The following SF3A1 variants were observed in gnomAD, a reference collection of about 807,000 sequenced individuals.
SF3A1 encodes splicing factor 3a subunit 1.
Under a neutral mutation model 89.9 loss-of-function variants are expected in SF3A1, and 13 were observed. The ratio of observed to expected loss-of-function variants is 0.14; its 90% CI spans 0.09 to 0.23. The LOEUF (loss-of-function observed/expected upper bound fraction) is 0.23, where lower values mean the gene tolerates loss of function less well. Among genes scored for constraint, SF3A1 ranks in the 10% least tolerant of loss-of-function variants. The pLI, the probability that SF3A1 is intolerant of heterozygous loss-of-function variation, is 1.00. For synonymous variants in SF3A1, 405 were observed against 374.4 expected, an observed-to-expected ratio of 1.08 and a Z score of -0.94; for missense variants, 604 against 1,022.1, an observed-to-expected ratio of 0.59 and a Z score of 5.58.
chr22:30,354,343 AAAC>A (rs1931693458), intron 1 of SF3A1, among the ~76,000 whole-genome samples: 1 of 152,132 alleles, frequency 6.6e-6, no homozygotes, highest in African/African-American at 2.4e-5. Flanking sequence ...ACAAAGTCAA[AAAC>A]AACTGCCCAC....
intron 12 of SF3A1, among the ~76,000 whole-genome samples, chr22:30,337,436 G>C (rs1222280541): frequency 1.3e-5 from 2 of 152,136 alleles, no homozygotes; most frequent in African/African-American, 4.8e-5. Flanking sequence ...CATTTCTCAG[G>C]CCTCTGAGCC....
At chr22:30,351,406 C>CT (rs1931589743) in intron 2 of SF3A1, among the ~76,000 whole-genome samples, 1 of 152,198 alleles carries the variant, frequency 6.6e-6, no homozygotes, top group South Asian at 2.1e-4. Flanking sequence ...GACTGAGACA[C>CT]TGCCTCAGGG....
At chr22:30,356,005 G>A (rs1931811137) in intron 1 of SF3A1, among the ~76,000 whole-genome samples, 1 of 151,866 alleles carries the variant, frequency 6.6e-6, no homozygotes, top group South Asian at 2.1e-4. Flanking sequence ...ATCCCTTCTA[G>A]CCCAGCAAAC....
Position 30,334,021 on chromosome 22 carries a change from G to A in SF3A1, c.*573C>T, listed in dbSNP as rs1054576693. On this transcript the variant is annotated 3_prime_UTR_variant, in exon 16 of 16. Coordinates refer to ENST00000215793, the MANE Select transcript of SF3A1 (RefSeq NM_005877.6). ...TCCCAATGTTTTAAAAGGGCAATAC[G>A]AATATGATTCTAATACATAAAAAGT... 17 of 152,288 alleles carry A rather than the reference G, an allele frequency of 1.1e-4. No homozygotes were observed. Among genetic ancestry groups the A allele is most frequent in the Admixed American group, 7.8e-4 (12 of 15,290 alleles). The allele number at this position is 152,288 out of a possible 1,614,324, so 9.4% of individuals were successfully genotyped here.
intron 15 of SF3A1, among the ~76,000 whole-genome samples, chr22:30,335,090 C>T (rs1931025771): frequency 6.6e-6 from 1 of 152,156 alleles, no homozygotes; most frequent in South Asian, 2.1e-4. Context: ...CTCCATGTGA[C>T]CTGGCATCAG....
In SF3A1 at chr22:30,340,216, T is replaced by C. The variant is rs778628307; in HGVS notation, c.1355A>G (p.Asp452Gly). The C allele has an allele frequency of 6.3e-7, 1 of 1,584,808 alleles. No individual in the cohort carries two copies. Among genetic ancestry groups the C allele is most frequent in the South Asian group, 1.1e-5 (1 of 87,216 alleles). Reference protein sequence around the residue: ...RDRSIREKQSDDEVYAPGLDI... With the variant: ...RDRSIREKQSGDEVYAPGLDI... ...CTCACCTGGTGCGTACACCTCATCA[T>C]CGCTCTGCTTCTCACGGATGGAGCG... Residue 452 changes from aspartate (D) to glycine (G), a missense_variant, in exon 9 of 16, where the codon GAT becomes GGT. Transcript: ENST00000215793.
In SF3A1 at chr22:30,347,702, C is replaced by T. The variant is rs59578246; in HGVS notation, c.186-1183G>A. On this transcript the variant is annotated intron_variant, in intron 2 of 15. Coordinates refer to ENST00000215793, the MANE Select transcript of SF3A1 (RefSeq NM_005877.6). Reference sequence around the variant, plus strand: ...ACCTTAAAGACACAAGATATGAACACGTTCAAGTCTCAGGTTCACTGCTGA... The same window carrying T: ...ACCTTAAAGACACAAGATATGAACATGTTCAAGTCTCAGGTTCACTGCTGA... Among the ~76,000 whole-genome samples, 369 of 152,344 alleles carry T rather than the reference C, an allele frequency of 2.4e-3. 9 individuals are homozygous for T. The East Asian group carries it at 0.056, about 23-fold the overall frequency.
chr22:30,342,514 T>G, intron 5 of SF3A1, 164 bp from the exon 6 acceptor site: 1 of 765,502 alleles, frequency 1.3e-6, no homozygotes, highest in Non-Finnish European at 2.1e-6. Flanking sequence ...AGGTGCAGAG[T>G]TGGGACAGAA....
At chr22:30,335,307 CCCCA>C (rs1931031135) in intron 15 of SF3A1, among the ~76,000 whole-genome samples, 156 bp downstream of exon 15, 1 of 152,162 alleles carries the variant, frequency 6.6e-6, no homozygotes, top group Non-Finnish European at 1.5e-5. Context: ...GGCACACCTG[CCCCA>C]ACACTCCCAG....
At chr22:30,341,130 G>C (rs990359207) in intron 7 of SF3A1, among the ~76,000 whole-genome samples, 1 of 152,166 alleles carries the variant, frequency 6.6e-6, no homozygotes, top group African/African-American at 2.4e-5. Context: ...TGGGGGCGGC[G>C]AGTCGCCAAT....
intron 2 of SF3A1, 100 bp from the exon 3 acceptor site, chr22:30,346,619 G>T (rs984468394): frequency 1.5e-6 from 2 of 1,341,666 alleles, no homozygotes; most frequent in African/African-American, 2.9e-5. Flanking sequence ...ACCACCCACT[G>T]CTCAAACCAG....
chr22:30,335,409 T>C, intron 15 of SF3A1, 58 bp downstream of exon 15: 2 of 1,422,328 alleles, frequency 1.4e-6, no homozygotes, highest in Non-Finnish European at 2.0e-6. Context: ...AGATTTAGCT[T>C]CTGTGAAAGC....
Position 30,339,042 on chromosome 22 carries a change from T to G in SF3A1, c.1498-8A>C. On this transcript the variant is annotated splice_polypyrimidine_tract_variant and splice_region_variant and intron_variant, in intron 10 of 15. Coordinates refer to ENST00000215793, the MANE Select transcript of SF3A1 (RefSeq NM_005877.6). ...GTGGCCATCCCAGGTCACCTGCAAGTGAAAGCAAAGCCACAATGCTTCTGG... is the reference window on the plus strand; with the variant it reads ...GTGGCCATCCCAGGTCACCTGCAAGGGAAAGCAAAGCCACAATGCTTCTGG... 6.2e-7 allele frequency: 1 copy of G among 1,613,916 alleles called. No homozygotes were observed. Among genetic ancestry groups the G allele is most frequent in the Non-Finnish European group, 8.5e-7 (1 of 1,179,974 alleles).
At chr22:30,353,982 A>T (rs996798967) in intron 1 of SF3A1, among the ~76,000 whole-genome samples, 4 of 152,184 alleles carry the variant, frequency 2.6e-5, no homozygotes, top group Admixed American at 6.5e-5. Flanking sequence ...AAGAAATGGG[A>T]AACTATCTGC....
intron 1 of SF3A1, among the ~76,000 whole-genome samples, chr22:30,355,471 G>A (rs1189870224): frequency 6.6e-6 from 1 of 152,206 alleles, no homozygotes; most frequent in African/African-American, 2.4e-5. Flanking sequence ...CTTTGGAATA[G>A]CGTGACTGGC....
In SF3A1 at chr22:30,340,332, G is replaced by T; in HGVS notation, c.1239C>A (p.Ser413=). The change falls in exon 9 of 16, where the codon TCC becomes TCA. Residue 413 remains serine, a synonymous_variant. Transcript: ENST00000215793. Reference sequence around the variant, plus strand: ...CGGGGATCTTCTCCCCAGTAATGGGGGACACAAGATACTCATCTGGAGCAG... The same window carrying T: ...CGGGGATCTTCTCCCCAGTAATGGGTGACACAAGATACTCATCTGGAGCAG... ...PAPAPDEYLV[S]PITGEKIPAS... 6.2e-7 allele frequency: 1 copy of T among 1,611,994 alleles called. No homozygotes were observed. Among genetic ancestry groups the T allele is most frequent in the Non-Finnish European group, 8.5e-7 (1 of 1,179,514 alleles).
chr22:30,338,689 T>A, intron 11 of SF3A1, 100 bp downstream of exon 11: 1 of 1,475,676 alleles, frequency 6.8e-7, no homozygotes, highest in Non-Finnish European at 9.4e-7. Context: ...CACCCAACAC[T>A]CAGGCCCCAC....
rs1332581906 is a variant in SF3A1, at chr22:30,344,914, C to T, written c.651+19G>A. ...TCCTTTCCTGGGCCCAGGACCCCAG[C>T]CCCATCCTGCCCAGGCACCTTGGTG... is the stretch of plus-strand genomic sequence containing the variant. On this transcript the variant is annotated intron_variant, in intron 4 of 15. Coordinates refer to ENST00000215793, the MANE Select transcript of SF3A1 (RefSeq NM_005877.6). 3 of 1,610,218 alleles carry T rather than the reference C, an allele frequency of 1.9e-6. No homozygotes were observed. Among genetic ancestry groups the T allele is most frequent in the East Asian group, 2.2e-5 (1 of 44,796 alleles).
intron 6 of SF3A1, 53 bp downstream of exon 6, chr22:30,342,147 C>T (rs914995784): frequency 1.7e-5 from 28 of 1,603,308 alleles, no homozygotes; most frequent in African/African-American, 1.7e-4. Context: ...CCAGGTTTCC[C>T]GGGAAGTCTG....
Sources: allele counts gnomAD v4.1 joint callset (sites outside exome capture counted in the v4.1 genomes callset), GRCh38; gene constraint gnomAD v4.1.1; transcripts MANE v1.5; gene names NCBI Gene and HGNC (gene_info 2026-07-23, HGNC 2026-07-21).